The following PEX7 variants were observed in gnomAD, a reference collection of about 807,000 sequenced individuals.
PEX7 encodes PTS2 receptor.
Under a neutral mutation model 47.5 loss-of-function variants are expected in PEX7, and 34 were observed. That is an observed-to-expected ratio of 0.72 (90% CI 0.54 to 0.95). The LOEUF is 0.95. Ranked by LOEUF, PEX7 falls within the 40% of genes least tolerant of loss-of-function variation. PEX7 has a pLI of 0.00. For synonymous variants in PEX7, 141 were observed against 148.8 expected, an observed-to-expected ratio of 0.95 and a Z score of 0.38; for missense variants, 394 against 400.3, an observed-to-expected ratio of 0.98 and a Z score of 0.13.
chr6:136,908,262 A>G (rs72987524), intron 9 of PEX7, among the ~76,000 whole-genome samples: 4,385 of 152,304 alleles, frequency 0.029, 108 homozygotes, highest in Middle Eastern at 0.058. Context: ...TATAACAGAA[A>G]TACCTATTTT....
intron 3 of PEX7, among the ~76,000 whole-genome samples, chr6:136,833,448 A>G (rs922892484): frequency 1.3e-5 from 2 of 152,232 alleles, no homozygotes; most frequent in Non-Finnish European, 2.9e-5. Flanking sequence ...ATTTAAAACT[A>G]GTGTGTTTTC....
chr6:136,892,922 T>G (rs1329207682), intron 8 of PEX7, among the ~76,000 whole-genome samples: 1 of 152,164 alleles, frequency 6.6e-6, no homozygotes, highest in African/African-American at 2.4e-5. Context: ...TTACCTCTTT[T>G]TGGACCACTG....
rs1183732394 is a variant in PEX7 at position 136,826,413 on chromosome 6, T to C, written c.283T>C (p.Trp95Arg). The change falls in exon 3 of 10, where the codon TGG becomes CGG. Residue 95 changes from tryptophan to arginine, a missense_variant. Trp to Arg is a moderately radical substitution (Grantham distance 101). Coordinates refer to ENST00000318471, the MANE Select transcript of PEX7 (RefSeq NM_000288.4). The part of the protein sequence containing the change: ...TCSGDGSLQL[W>R]DTAKAAGPLQ... ...TAGTGGCGATGGCTCGCTGCAGCTC[T>C]GGGACACTGCCAAAGCTGCAGGGCC... The C allele has an allele frequency of 6.2e-7, 1 of 1,614,016 alleles. No homozygotes were observed. The highest frequency in any genetic ancestry group is 1.1e-5 in the South Asian group (1 of 91,056).
intron 9 of PEX7, among the ~76,000 whole-genome samples, chr6:136,912,476 C>T (rs1214750592): frequency 2.0e-5 from 3 of 152,136 alleles, no homozygotes; most frequent in Non-Finnish European, 4.4e-5. Flanking sequence ...ATTGAAAAGA[C>T]TATTTTTTCC....
In PEX7 at chr6:136,825,695, G is replaced by C. The variant is rs180967965; in HGVS notation, c.188+424G>C. On this transcript the variant is annotated intron_variant, in intron 2 of 9. Transcript: ENST00000318471. ...ATTATAGGTGCCCGCCACCACACCC[G>C]GCTAATTTTTGTATTTTTTAGTAGA... is the stretch of plus-strand genomic sequence containing the variant. Among the ~76,000 whole-genome samples, 467 of 152,124 alleles carry C rather than the reference G, an allele frequency of 3.1e-3. 2 individuals are homozygous for C. Among genetic ancestry groups the C allele is most frequent in the Middle Eastern group, 0.024 (7 of 294 alleles).
intron 9 of PEX7, among the ~76,000 whole-genome samples, chr6:136,910,640 T>C (rs542331043): frequency 6.6e-6 from 1 of 152,308 alleles, no homozygotes; most frequent in East Asian, 1.9e-4. Context: ...ATATTGGTAG[T>C]GAATGATTGG....
At chr6:136,840,589 T>C (rs552069089) in intron 3 of PEX7, among the ~76,000 whole-genome samples, 1 of 152,214 alleles carries the variant, frequency 6.6e-6, no homozygotes, top group Non-Finnish European at 1.5e-5. Flanking sequence ...AAGATTACTT[T>C]TTATGCAGTG....
chr6:136,912,872 C>T (rs564676198), intron 9 of PEX7, among the ~76,000 whole-genome samples: 5 of 152,276 alleles, frequency 3.3e-5, no homozygotes, highest in Non-Finnish European at 5.9e-5. Flanking sequence ...TCATGTTTTC[C>T]TATGGCTCTG....
At chr6:136,902,039 C>T (rs1775761458) in intron 9 of PEX7, among the ~76,000 whole-genome samples, 1 of 152,248 alleles carries the variant, frequency 6.6e-6, no homozygotes, top group Non-Finnish European at 1.5e-5. Context: ...CCCACCTCAG[C>T]CTCCCAAAGT....
At chr6:136,887,267 A>G (rs1243806998) in intron 8 of PEX7, among the ~76,000 whole-genome samples, 1 of 152,114 alleles carries the variant, frequency 6.6e-6, no homozygotes, top group African/African-American at 2.4e-5. Flanking sequence ...ATATTACTTA[A>G]TATATAATTA....
At chr6:136,830,272 T>G in intron 3 of PEX7, 1 of 454,000 alleles carries the variant, frequency 2.2e-6, no homozygotes, top group South Asian at 4.1e-5. Context: ...TATTATTTGC[T>G]CTTATTATAA....
intron 8 of PEX7, among the ~76,000 whole-genome samples, chr6:136,882,031 T>G (rs1377386096): frequency 6.6e-6 from 1 of 152,002 alleles, no homozygotes; most frequent in Non-Finnish European, 1.5e-5. Context: ...TAACTTAGAG[T>G]CCAGGTTTCT....
chr6:136,868,223 A>G (rs1413294020), intron 6 of PEX7, among the ~76,000 whole-genome samples: 1 of 152,212 alleles, frequency 6.6e-6, no homozygotes, highest in Non-Finnish European at 1.5e-5. Context: ...ATGTTCACGC[A>G]AAGATGAAAT....
intron 3 of PEX7, among the ~76,000 whole-genome samples, chr6:136,838,661 T>TA (rs956849462): frequency 5.9e-5 from 9 of 152,018 alleles, no homozygotes. Context: ...TGTGCTTATG[T>TA]AAAAAAAGAT....
chr6:136,874,148 T>G (rs1775227596), intron 8 of PEX7, among the ~76,000 whole-genome samples: 1 of 152,246 alleles, frequency 6.6e-6, no homozygotes, highest in Admixed American at 6.5e-5. Context: ...GAAATTTTCC[T>G]TTGTTTCCAA....
chr6:136,866,557 T>C, intron 5 of PEX7, 70 bp from the exon 6 acceptor site: 1 of 1,274,686 alleles, frequency 7.8e-7, no homozygotes, highest in Non-Finnish European at 1.1e-6. Context: ...GACTTATTAT[T>C]GTGAACACAT....
chr6:136,852,346 A>T (rs1298085111), intron 5 of PEX7, among the ~76,000 whole-genome samples: 1 of 138,536 alleles, frequency 7.2e-6, no homozygotes, highest in Admixed American at 7.7e-5. Context: ...AGCGTATTCA[A>T]TTAGGAAAAG....
chr6:136,842,285 A>G (rs1810620), intron 3 of PEX7, among the ~76,000 whole-genome samples: 103,232 of 152,128 alleles, frequency 0.68, 35,738 homozygotes, highest in African/African-American at 0.83. Context: ...GTGAGCCACC[A>G]CACTCAGCCT....
chr6:136,846,241 C>A, intron 5 of PEX7, 60 bp downstream of exon 5: 1 of 983,388 alleles, frequency 1.0e-6, no homozygotes, highest in Non-Finnish European at 1.6e-6. Context: ...CTTGTTTTTA[C>A]CATTAGGTGG....
Sources: gnomAD v4.1 joint callset for allele counts (sites outside exome capture counted in the v4.1 genomes callset) on GRCh38, gnomAD v4.1.1 for gene constraint, MANE v1.5 for transcripts, NCBI Gene and HGNC (gene_info 2026-07-23, HGNC 2026-07-21) for gene names.